SOX6: variants seen among roughly 807,000 people sequenced by gnomAD.
The protein encoded by SOX6 is transcription factor SOX-6.
A neutral mutation model predicts 97.8 loss-of-function variants in SOX6; 11 were observed. The ratio of observed to expected loss-of-function variants is 0.11; its 90% CI spans 0.07 to 0.19. The LOEUF (loss-of-function observed/expected upper bound fraction) is 0.19. Ranked by LOEUF, SOX6 falls within the 10% of genes least tolerant of loss-of-function variation. SOX6 has a pLI of 1.00. For missense variants in SOX6, 810 were observed against 1,039.5 expected, an observed-to-expected ratio of 0.78 and a Z score of 3.04; for synonymous variants, 360 against 371.4, an observed-to-expected ratio of 0.97 and a Z score of 0.35.
intron 1 of SOX6, among the ~76,000 whole-genome samples, chr11:16,422,318 A>T (rs1026425018): frequency 3.9e-4 from 59 of 152,318 alleles, no homozygotes; most frequent in Admixed American, 1.2e-3. Flanking sequence ...ATTATATTTT[A>T]TTAACATGCA....
At chr11:16,353,246 G>C (rs574492341) in intron 1 of SOX6, among the ~76,000 whole-genome samples, 179 of 152,066 alleles carry the variant, frequency 1.2e-3, no homozygotes, top group African/African-American at 4.2e-3. Flanking sequence ...ACAGCCTTGA[G>C]AGAAAACAAG....
At chr11:16,109,949 G>T (rs1480147726) in intron 7 of SOX6, among the ~76,000 whole-genome samples, 1 of 152,022 alleles carries the variant, frequency 6.6e-6, no homozygotes, top group East Asian at 1.9e-4. Context: ...ACTTTAAGCT[G>T]CCCTTTGTTC....
At chr11:15,990,213 A>C (rs1854003952) in intron 13 of SOX6, among the ~76,000 whole-genome samples, 1 of 152,006 alleles carries the variant, frequency 6.6e-6, no homozygotes, top group African/African-American at 2.4e-5. Context: ...ATTATGCTGT[A>C]CTTATTCTTG....
At chr11:16,636,250 C>T (rs1848787371) in intron 3 of SOX6, among the ~76,000 whole-genome samples, 1 of 152,208 alleles carries the variant, frequency 6.6e-6, no homozygotes, top group Admixed American at 6.5e-5. Flanking sequence ...GGAAGTCCAC[C>T]TCTTACATCA....
At chr11:16,073,039 A>C (rs1564938884) in intron 9 of SOX6, among the ~76,000 whole-genome samples, 1 of 152,192 alleles carries the variant, frequency 6.6e-6, no homozygotes, top group Non-Finnish European at 1.5e-5. Flanking sequence ...CCACACAATC[A>C]AGTCTGAATT....
chr11:16,490,747 A>G (rs889880331), intron 4 of SOX6, among the ~76,000 whole-genome samples: 4 of 152,108 alleles, frequency 2.6e-5, no homozygotes, highest in Admixed American at 6.5e-5. Flanking sequence ...CCATAACTGA[A>G]AGTAAAAATT....
At chr11:16,079,490 G>T (rs910308433) in intron 9 of SOX6, among the ~76,000 whole-genome samples, 1 of 151,982 alleles carries the variant, frequency 6.6e-6, no homozygotes, top group African/African-American at 2.4e-5. Flanking sequence ...AGCAGACTTT[G>T]AAAGATTGCA....
chr11:16,161,244 C>A (rs1850742045), intron 6 of SOX6, among the ~76,000 whole-genome samples: 1 of 151,782 alleles, frequency 6.6e-6, no homozygotes, highest in Non-Finnish European at 1.5e-5. Context: ...ATTAGTACAC[C>A]TATTTCTTTA....
At chr11:16,705,653 G>T (rs566802976) in intron 3 of SOX6, among the ~76,000 whole-genome samples, 2 of 152,116 alleles carry the variant, frequency 1.3e-5, no homozygotes, top group African/African-American at 4.8e-5. Context: ...TATGTTAATG[G>T]GCATACAATG....
At chr11:16,042,088 G>A (rs1176383194) in intron 12 of SOX6, among the ~76,000 whole-genome samples, 2 of 152,060 alleles carry the variant, frequency 1.3e-5, no homozygotes, top group African/African-American at 4.8e-5. Context: ...TCAAGAAAAT[G>A]GTAATTATCT....
At chr11:16,668,170 C>T (rs373370304) in intron 3 of SOX6, among the ~76,000 whole-genome samples, 2 of 152,124 alleles carry the variant, frequency 1.3e-5, no homozygotes, top group African/African-American at 4.8e-5. Context: ...GTCAGGACTT[C>T]AAGACCAGCC....
intron 2 of SOX6, among the ~76,000 whole-genome samples, chr11:16,732,475 A>C (rs1167503867): frequency 6.6e-6 from 1 of 152,188 alleles, no homozygotes; most frequent in Non-Finnish European, 1.5e-5. Flanking sequence ...TGACACAAAC[A>C]AGCAACGGGG....
At chr11:16,200,260 T>C (rs1851898357) in intron 4 of SOX6, among the ~76,000 whole-genome samples, 1 of 152,198 alleles carries the variant, frequency 6.6e-6, no homozygotes, top group Non-Finnish European at 1.5e-5. Context: ...TCCTACTCAG[T>C]CTTCTCACTC....
intron 12 of SOX6, among the ~76,000 whole-genome samples, chr11:16,023,696 T>C (rs576206625): frequency 6.6e-6 from 1 of 152,214 alleles, no homozygotes; most frequent in Non-Finnish European, 1.5e-5. Context: ...AATTCACCAT[T>C]AGCAATTCAT....
chr11:16,623,736 G>T (rs1590016712), intron 3 of SOX6, among the ~76,000 whole-genome samples: 1 of 152,182 alleles, frequency 6.6e-6, no homozygotes, highest in East Asian at 1.9e-4. Flanking sequence ...GTTGATTTTT[G>T]TATAAGGTGA....
chr11:16,602,348 T>C (rs1455215341), intron 4 of SOX6, among the ~76,000 whole-genome samples: 1 of 152,182 alleles, frequency 6.6e-6, no homozygotes, highest in Non-Finnish European at 1.5e-5. Flanking sequence ...GTACTTGATA[T>C]CGGGATCCTG....
intron 1 of SOX6, among the ~76,000 whole-genome samples, chr11:16,433,105 T>C (rs1262953944): frequency 6.6e-6 from 1 of 152,044 alleles, no homozygotes; most frequent in Non-Finnish European, 1.5e-5. Flanking sequence ...CTGCCAAAGA[T>C]AGACTAACCA....
chr11:16,053,828 C>T (rs948216227), intron 10 of SOX6, among the ~76,000 whole-genome samples: 3 of 151,922 alleles, frequency 2.0e-5, no homozygotes, highest in African/African-American at 4.8e-5. Context: ...TAAAGAGAAA[C>T]GTGAGAGATT....
chr11:16,106,856 T>C (rs1849100342), intron 7 of SOX6, among the ~76,000 whole-genome samples: 1 of 151,948 alleles, frequency 6.6e-6, no homozygotes, highest in East Asian at 1.9e-4. Flanking sequence ...TGATAAGGTA[T>C]TAATATCCAC....
Sources: allele counts gnomAD v4.1 joint callset (sites outside exome capture counted in the v4.1 genomes callset), GRCh38; gene constraint gnomAD v4.1.1; transcripts MANE v1.5; gene names NCBI Gene and HGNC (gene_info 2026-07-23, HGNC 2026-07-21).